The following WFS1 variants were observed in gnomAD, a reference collection of about 807,000 sequenced individuals.
The protein encoded by WFS1 is wolframin.
Under a neutral mutation model 68.5 loss-of-function variants are expected in WFS1, and 90 were observed. The observed-to-expected ratio is 1.31, with a 90% CI of 1.11 to 1.56. The LOEUF (loss-of-function observed/expected upper bound fraction) is 1.56. WFS1 is among the 40% of genes most tolerant of loss of function. WFS1 has a pLI of 0.00. For synonymous variants in WFS1, 860 were observed against 540.7 expected, an observed-to-expected ratio of 1.59 and a Z score of -8.19; for missense variants, 1,767 against 1,232.6, an observed-to-expected ratio of 1.43 and a Z score of -6.49.
At position 6,301,409 on chromosome 4, in the gene WFS1, C is replaced by T. The variant is rs867112112; in HGVS notation, c.1614C>T (p.Phe538=). The change falls in exon 8 of 8, where the codon TTC becomes TTT. Residue 538 remains phenylalanine, a synonymous_variant. Transcript: ENST00000226760. ...YCYLVPYLVC[F]MWCELSVVIL... ...ACCTTGTGCCCTACCTGGTGTGCTT[C>T]ATGTGGTGTGAGCTCTCCGTGGTCA... 2 of 1,612,584 alleles carry T rather than the reference C, an allele frequency of 1.2e-6. No individual in the cohort carries two copies. Among genetic ancestry groups the T allele is most frequent in the South Asian group, 1.1e-5 (1 of 91,088 alleles).
At chr4:6,276,852 T>C (rs1199930181) in intron 1 of WFS1, among the ~76,000 whole-genome samples, 2 of 152,192 alleles carry the variant, frequency 1.3e-5, no homozygotes, top group African/African-American at 2.4e-5. Context: ...TCTGTCCAGC[T>C]TCTGGCAGTG....
chr4:6,302,091 C>T lies in WFS1; in HGVS notation c.2296C>T (p.His766Tyr), dbSNP rs1553878946. 3 of 1,612,916 alleles carry T rather than the reference C, an allele frequency of 1.9e-6. No individual in the cohort carries two copies. The highest frequency in any genetic ancestry group is 2.5e-6 in the Non-Finnish European group (3 of 1,180,022). The change falls in exon 8 of 8, where the codon CAC becomes TAC. Residue 766 changes from histidine (H) to tyrosine (Y), a missense_variant. Physicochemically the swap from His to Tyr is moderately conservative, Grantham distance 83. Transcript: ENST00000226760. ...RLKLLAKHPC[H>Y]IKKFDRYKFE... ...TAAGCTGCTGGCCAAGCACCCCTGCCACATCAAGAAGTTCGACCGCTACAA... is the reference window on the plus strand; with the variant it reads ...TAAGCTGCTGGCCAAGCACCCCTGCTACATCAAGAAGTTCGACCGCTACAA...
intron 2 of WFS1, among the ~76,000 whole-genome samples, chr4:6,285,481 C>T (rs1416013948): frequency 6.6e-6 from 1 of 152,114 alleles, no homozygotes; most frequent in East Asian, 1.9e-4. Context: ...TGTGCCTGAC[C>T]ACGAGAGCTT....
intron 2 of WFS1, 64 bp downstream of exon 2, chr4:6,277,751 T>C (rs1578586139): frequency 6.5e-7 from 1 of 1,531,402 alleles, no homozygotes; most frequent in Admixed American, 2.0e-5. Flanking sequence ...GGGAACGGGG[T>C]TCAGCCACCC....
chr4:6,301,685 C>T lies in WFS1; in HGVS notation c.1890C>T (p.Ser630=). The T allele has an allele frequency of 6.2e-7, 1 of 1,614,116 alleles. No individual in the cohort carries two copies. Among genetic ancestry groups the T allele is most frequent in the Non-Finnish European group, 8.5e-7 (1 of 1,180,048 alleles). Residue 630 remains serine, a synonymous_variant, in exon 8 of 8, where the codon AGC becomes AGT. Transcript: ENST00000226760. ...GGATGGTGAAGTCCCTGACGCGGAG[C>T]TCCATGGTCAAGCTCATCCTGGTGT... ...VVGMVKSLTR[S]SMVKLILVWL...
intron 1 of WFS1, among the ~76,000 whole-genome samples, chr4:6,272,790 A>T (rs756835566): frequency 3.4e-4 from 52 of 152,194 alleles, no homozygotes; most frequent in Admixed American, 5.2e-4. Flanking sequence ...TTTTCATCCT[A>T]AACAGACTCC....
At chr4:6,286,032 G>A (rs1302225951) in intron 2 of WFS1, among the ~76,000 whole-genome samples, 1 of 152,096 alleles carries the variant, frequency 6.6e-6, no homozygotes, top group Non-Finnish European at 1.5e-5. Context: ...ACGGTTCATG[G>A]CACCACCGTA....
chr4:6,292,429 AG>A (rs1730493441), intron 6 of WFS1, among the ~76,000 whole-genome samples: 1 of 152,084 alleles, frequency 6.6e-6, no homozygotes, highest in Non-Finnish European at 1.5e-5. Flanking sequence ...AGGGTGTGGA[AG>A]GGGCTCTGCC....
intron 1 of WFS1, among the ~76,000 whole-genome samples, chr4:6,275,543 ACC>A (rs1429815678): frequency 8.3e-6 from 1 of 120,076 alleles, no homozygotes; most frequent in Non-Finnish European, 1.6e-5. Context: ...TGGGGGATGC[ACC>A]CGGGGGTGCT....
chr4:6,281,715 C>T (rs1730173539), intron 2 of WFS1, among the ~76,000 whole-genome samples: 1 of 152,064 alleles, frequency 6.6e-6, no homozygotes, highest in Admixed American at 6.5e-5. Context: ...TGAGCCCCTG[C>T]TGCCCTGGGG....
chr4:6,294,992 A>T lies in WFS1; in HGVS notation c.713-49A>T, dbSNP rs950978037. The T allele has an allele frequency of 2.5e-6, 4 of 1,612,404 alleles. 1 individual carries two copies. The Middle Eastern group carries it at 5.0e-4, about 202-fold the overall frequency. ...GCCCATTGCTCTGTGTGAGGGTGGC[A>T]GTGGGGCTGCAGTGTGGGGCGCCCA... On this transcript the variant is annotated intron_variant, in intron 6 of 7. Coordinates refer to ENST00000226760, the MANE Select transcript of WFS1 (RefSeq NM_006005.3).
Position 6,301,226 on chromosome 4 carries a change from T to C in WFS1, c.1431T>C (p.Asn477=), listed in dbSNP as rs762601348. The C allele has an allele frequency of 1.2e-6, 2 of 1,611,890 alleles. No individual in the cohort carries two copies. Among genetic ancestry groups the C allele is most frequent in the Admixed American group, 1.7e-5 (1 of 60,022 alleles). ...CGCTGCTGCCCTCCATGCCCTTGAA[T>C]TGGCCCTACCTGAAGGTCCTTGGCC... ...LLSLLPSMPL[N]WPYLKVLGQT... The change falls in exon 8 of 8, where the codon AAT becomes AAC. Residue 477 remains asparagine (N), a synonymous_variant. Transcript: ENST00000226760.
chr4:6,301,615 C>G lies in WFS1; in HGVS notation c.1820C>G (p.Pro607Arg), dbSNP rs373862003. The change falls in exon 8 of 8, where the codon CCC becomes CGC. Residue 607 changes from proline (P) to arginine (R), a missense_variant. Pro to Arg is a moderately radical substitution (Grantham distance 103, BLOSUM62 -2). Transcript: ENST00000226760. Reference sequence around the variant, plus strand: ...GTCACCGTGGCGGTCTGTAGTGTGCCCCTGCTGTTGCGCTGGTGGACCAAG... The same window carrying G: ...GTCACCGTGGCGGTCTGTAGTGTGCGCCTGCTGTTGCGCTGGTGGACCAAG... The part of the protein sequence containing the change: ...IAVTVAVCSV[P>R]LLLRWWTKAS... 9 of 1,614,000 alleles carry G rather than the reference C, an allele frequency of 5.6e-6. No individual in the cohort carries two copies. The highest frequency in any genetic ancestry group is 7.6e-6 in the Non-Finnish European group (9 of 1,180,022).
intron 7 of WFS1, 120 bp from the exon 8 acceptor site, chr4:6,300,537 G>T (rs952677048): frequency 2.3e-5 from 34 of 1,472,516 alleles, no homozygotes; most frequent in Non-Finnish European, 3.0e-5. Flanking sequence ...GGCTGGTGAT[G>T]GGAAAACGCA....
At position 6,300,789 on chromosome 4, in the gene WFS1, ATCG is replaced by A; in HGVS notation, c.997_999del (p.Val333del). The stretch of plus-strand genomic sequence containing the variant: ...CATCAACGCGCTCATCTTCTTCTTC[ATCG>A]TCAGCAACCTCACCATCGACTTCTT... On this transcript the variant is annotated inframe_deletion, in exon 8 of 8. Transcript: ENST00000226760. 1 of 1,613,934 alleles carries A rather than the reference ATCG, an allele frequency of 6.2e-7. No homozygotes were observed. Among genetic ancestry groups the A allele is most frequent in the South Asian group, 1.1e-5 (1 of 91,058 alleles).
intron 1 of WFS1, among the ~76,000 whole-genome samples, chr4:6,271,194 G>A (rs966252542): frequency 6.6e-6 from 1 of 152,250 alleles, no homozygotes; most frequent in Non-Finnish European, 1.5e-5. Flanking sequence ...AAGGGTCTGT[G>A]ATTCCCATGG....
chr4:6,299,675 T>TG (rs1730783471), intron 7 of WFS1, among the ~76,000 whole-genome samples: 4 of 114,958 alleles, frequency 3.5e-5, no homozygotes, highest in Non-Finnish European at 3.5e-5. Flanking sequence ...GGGTGGGTTG[T>TG]TTGCGGGTAG....
Position 6,277,487 on chromosome 4 carries a change from C to G in WFS1, c.32C>G (p.Ser11Cys). 4 of 1,562,978 alleles carry G rather than the reference C, an allele frequency of 2.6e-6. No homozygotes were observed. The highest frequency in any genetic ancestry group is 3.5e-6 in the Non-Finnish European group (4 of 1,153,754). The part of the protein sequence containing the change: MDSNTAPLGP[S>C]CPQPPPAPQP... Reference sequence around the variant, plus strand: ...TCCAACACTGCTCCGCTGGGCCCCTCCTGCCCACAGCCCCCGCCAGCACCG... The same window carrying G: ...TCCAACACTGCTCCGCTGGGCCCCTGCTGCCCACAGCCCCCGCCAGCACCG... Residue 11 changes from serine (S) to cysteine (C), a missense_variant, in exon 2 of 8, where the codon TCC becomes TGC. By Grantham distance (112) the Ser-to-Cys change is moderately radical (BLOSUM62 -1). Coordinates refer to ENST00000226760, the MANE Select transcript of WFS1 (RefSeq NM_006005.3).
At chr4:6,298,580 C>T (rs762240771) in intron 7 of WFS1, among the ~76,000 whole-genome samples, 51 of 150,058 alleles carry the variant, frequency 3.4e-4, no homozygotes, top group Non-Finnish European at 6.2e-4. Context: ...GCACACACTC[C>T]TAAACACTTC....
Sources: gnomAD v4.1 joint callset for allele counts (sites outside exome capture counted in the v4.1 genomes callset) on GRCh38, gnomAD v4.1.1 for gene constraint, MANE v1.5 for transcripts, NCBI Gene and HGNC (gene_info 2026-07-23, HGNC 2026-07-21) for gene names.